DNAH7: variants seen among roughly 807,000 people sequenced by gnomAD.
The protein encoded by DNAH7 is axonemal beta dynein heavy chain 7.
A neutral mutation model predicts 444.6 loss-of-function variants in DNAH7; 397 were observed. The observed-to-expected ratio is 0.89, with a 90% CI of 0.82 to 0.97. The LOEUF (loss-of-function observed/expected upper bound fraction) is 0.97, where lower values mean the gene tolerates loss of function less well. Ranked by LOEUF, DNAH7 falls within the 50% of genes least tolerant of loss-of-function variation. The pLI is 0.00. For missense variants in DNAH7, 4,902 were observed against 4,800.8 expected (o/e 1.02, Z -0.62); for synonymous variants, 1,636 against 1,624.4 (o/e 1.01, Z -0.17).
At chr2:196,054,047 C>T (rs536283302) in intron 2 of DNAH7, among the ~76,000 whole-genome samples, 2 of 152,284 alleles carry the variant, frequency 1.3e-5, no homozygotes, top group East Asian at 1.9e-4. Context: ...TCTGAGATTT[C>T]GACTTCCATT....
intron 9 of DNAH7, among the ~76,000 whole-genome samples, chr2:196,017,834 TA>T (rs1189707032): frequency 2.6e-5 from 4 of 152,108 alleles, no homozygotes; most frequent in African/African-American, 9.6e-5. Context: ...GTTAAAAAAA[TA>T]AAAAAATTTT....
intron 58 of DNAH7, among the ~76,000 whole-genome samples, chr2:195,784,964 G>A (rs997052902): frequency 3.4e-5 from 5 of 148,756 alleles, no homozygotes; most frequent in South Asian, 2.1e-4. Context: ...AGGCTGGAGT[G>A]CAGTGGGCAT....
At chr2:195,964,918 A>C (rs1421984769) in intron 17 of DNAH7, among the ~76,000 whole-genome samples, 1 of 151,978 alleles carries the variant, frequency 6.6e-6, no homozygotes, top group Non-Finnish European at 1.5e-5. Context: ...AACAAGGAAA[A>C]TATGACTTCT....
At position 196,047,532 on chromosome 2, in the gene DNAH7, T is replaced by G. The variant is rs778720854; in HGVS notation, c.251-33A>C. On this transcript the variant is annotated intron_variant, in intron 4 of 64. Transcript: ENST00000312428. Reference sequence around the variant, plus strand: ...TAAAACAAAAAAAAAAGCACAATTATTCATCTAAAAGGTAAGCTAAAGCAT... The same window carrying G: ...TAAAACAAAAAAAAAAGCACAATTAGTCATCTAAAAGGTAAGCTAAAGCAT... 3.3e-6 allele frequency: 5 copies of G among 1,507,814 alleles called. No individual in the cohort carries two copies. In the East Asian group the frequency reaches 1.2e-4, roughly 35 times the overall value. The allele number at this position is 1,507,814 out of a possible 1,614,324, so 93.4% of individuals were successfully genotyped here.
chr2:195,987,146 T>C lies in DNAH7; in HGVS notation c.1674A>G (p.Arg558=), dbSNP rs1692968881. Residue 558 remains arginine (R), a synonymous_variant, in exon 14 of 65, where the codon AGA becomes AGG. Transcript: ENST00000312428. Reference sequence around the variant, plus strand: ...TAATATCTGCTCGCTTCACCAAAGCTCTGATTAATTCCTCACAGTGCATTT... The same window carrying C: ...TAATATCTGCTCGCTTCACCAAAGCCCTGATTAATTCCTCACAGTGCATTT... ...MFEMHCEELI[R]ALVKRADIIC... 6.2e-7 allele frequency: 1 copy of C among 1,607,138 alleles called. No individual in the cohort carries two copies. Among genetic ancestry groups the C allele is most frequent in the Admixed American group, 1.7e-5 (1 of 58,248 alleles).
intron 58 of DNAH7, among the ~76,000 whole-genome samples, chr2:195,779,086 G>T (rs558460068): frequency 6.6e-6 from 1 of 152,144 alleles, no homozygotes; most frequent in Admixed American, 6.6e-5. Flanking sequence ...CTCATGATCC[G>T]CCTGCCTTGG....
chr2:195,844,230 T>A (rs1342815103), intron 47 of DNAH7, among the ~76,000 whole-genome samples: 2 of 152,226 alleles, frequency 1.3e-5, no homozygotes, highest in East Asian at 3.8e-4. Flanking sequence ...ATCATATCAA[T>A]TACTTTTTCA....
At chr2:195,936,561 A>G in intron 20 of DNAH7, 38 bp downstream of exon 20, 1 of 1,450,286 alleles carries the variant, frequency 6.9e-7, no homozygotes, top group Non-Finnish European at 9.3e-7. Flanking sequence ...GTTTAAGCAG[A>G]TAAATTTAGT....
At chr2:196,060,427 T>C (rs1407539155) in intron 1 of DNAH7, among the ~76,000 whole-genome samples, 1 of 152,200 alleles carries the variant, frequency 6.6e-6, no homozygotes, top group Admixed American at 6.5e-5. Flanking sequence ...AAAGATTTTC[T>C]GCTTATCTCT....
intron 40 of DNAH7, among the ~76,000 whole-genome samples, chr2:195,867,771 T>G (rs1273852542): frequency 6.6e-6 from 1 of 152,222 alleles, no homozygotes; most frequent in South Asian, 2.1e-4. Flanking sequence ...TATTTCTTTT[T>G]AGGACTGAAT....
At chr2:195,874,148 C>T (rs1057202932) in intron 38 of DNAH7, among the ~76,000 whole-genome samples, 1 of 152,138 alleles carries the variant, frequency 6.6e-6, no homozygotes, top group Non-Finnish European at 1.5e-5. Flanking sequence ...TGACATATAG[C>T]CAAATTCTTC....
At chr2:195,776,509 T>C (rs994598653) in intron 59 of DNAH7, among the ~76,000 whole-genome samples, 1 of 151,998 alleles carries the variant, frequency 6.6e-6, no homozygotes, top group East Asian at 1.9e-4. Context: ...TACCTTTCAA[T>C]TGGAATGGGT....
At chr2:195,999,678 C>CA (rs1693918338) in intron 12 of DNAH7, among the ~76,000 whole-genome samples, 1 of 151,300 alleles carries the variant, frequency 6.6e-6, no homozygotes, top group East Asian at 2.0e-4. Context: ...AAAAGACTAT[C>CA]AAAAACGACT....
chr2:195,938,608 G>A (rs1389549027), intron 19 of DNAH7, among the ~76,000 whole-genome samples: 2 of 152,084 alleles, frequency 1.3e-5, no homozygotes, highest in African/African-American at 2.4e-5. Context: ...TCTAAGATTT[G>A]AAAGCTAAAA....
chr2:195,747,518 A>G (rs147254468), intron 63 of DNAH7, among the ~76,000 whole-genome samples: 1 of 152,182 alleles, frequency 6.6e-6, no homozygotes, highest in Non-Finnish European at 1.5e-5. Flanking sequence ...TACCAAAGCC[A>G]GGCAGAGACA....
intron 11 of DNAH7, 53 bp downstream of exon 11, chr2:196,001,622 A>C (rs944233975): frequency 1.4e-6 from 2 of 1,388,334 alleles, no homozygotes; most frequent in African/African-American, 2.9e-5. Flanking sequence ...CTCTGAAATA[A>C]TTAAAAATAA....
chr2:195,991,059 G>A (rs1244716471), intron 12 of DNAH7, among the ~76,000 whole-genome samples: 1 of 150,292 alleles, frequency 6.7e-6, no homozygotes, highest in Non-Finnish European at 1.5e-5. Context: ...CATTTGAGGT[G>A]ATTAGATCAC....
Position 196,026,232 on chromosome 2 carries a change from CAGT to C in DNAH7, c.667+525_667+527del, listed in dbSNP as rs547377965. 9.2e-5 allele frequency among the ~76,000 whole-genome samples: 14 copies of C among 152,276 alleles called. No homozygotes were observed. In the South Asian group the frequency reaches 2.9e-3, roughly 32 times the overall value. ...TCCAATAAAACTTTATGAAAACAGG[CAGT>C]GGCCAGATTTGCCTGTGAGCTATAG... On this transcript the variant is annotated intron_variant, in intron 7 of 64. Coordinates refer to ENST00000312428, the MANE Select transcript of DNAH7 (RefSeq NM_018897.3).
At chr2:195,876,450 CAA>C in intron 37 of DNAH7, 92 bp downstream of exon 37, 3 of 1,280,778 alleles carry the variant, frequency 2.3e-6, no homozygotes, top group Non-Finnish European at 3.3e-6. Flanking sequence ...AAAAACTATA[CAA>C]AAAGATGTCT....
Sources: gnomAD v4.1 joint callset for allele counts (sites outside exome capture counted in the v4.1 genomes callset) on GRCh38, gnomAD v4.1.1 for gene constraint, MANE v1.5 for transcripts, NCBI Gene and HGNC (gene_info 2026-07-23, HGNC 2026-07-21) for gene names.